The following GNAS-AS1 variants were observed in gnomAD, a reference collection of about 807,000 sequenced individuals.
GNAS-AS1 encodes GNAS antisense RNA 1.
intron 4 of GNAS-AS1, chr20:58,838,923 A>AAAG: frequency 2.5e-6 from 1 of 394,382 alleles, no homozygotes; most frequent in African/African-American, 2.1e-5. Context: ...TCTCAAAAAA[A>AAAG]AAAAAAAAAA....
intron 1 of GNAS-AS1, among the ~76,000 whole-genome samples, chr20:58,850,339 C>T (rs1341996085): frequency 1.3e-5 from 2 of 152,218 alleles, no homozygotes; most frequent in Non-Finnish European, 2.9e-5. Flanking sequence ...GCTCCCCTGG[C>T]AAAGCTCATG....
At chr20:58,827,834 A>G (rs2085530884) in intron 4 of GNAS-AS1, among the ~76,000 whole-genome samples, 1 of 152,244 alleles carries the variant, frequency 6.6e-6, no homozygotes. Context: ...GTGATGTATG[A>G]AAACTGTGGC....
At chr20:58,828,148 C>T (rs1034811075) in intron 4 of GNAS-AS1, among the ~76,000 whole-genome samples, 3 of 152,224 alleles carry the variant, frequency 2.0e-5, no homozygotes, top group African/African-American at 7.2e-5. Flanking sequence ...GTCCTACTGG[C>T]TTTAGCCTTG....
Position 58,841,576 on chromosome 20 carries a change from G to C in GNAS-AS1, n.819+361C>G. 2.0e-6 allele frequency: 2 copies of C among 1,005,948 alleles called. No individual in the cohort carries two copies. Among genetic ancestry groups the C allele is most frequent in the Non-Finnish European group, 2.4e-6 (2 of 844,030 alleles). The allele number at this position is 1,005,948 out of a possible 1,614,324, so 62.3% of individuals were successfully genotyped here. On this transcript the variant is annotated intron_variant and non_coding_transcript_variant, in intron 4 of 4. Coordinates refer to ENST00000424094, the Ensembl canonical transcript of GNAS-AS1. This position sits in a 1 kb window ranked among gnomAD's most constrained non-coding sequence, Gnocchi z 5.0. ...CGCCACAGCCCGCCTCCCGTCGCTC[G>C]CGGGACAGAGACCGCCTCAAAGAGC...
intron 3 of GNAS-AS1, chr20:58,842,364 G>A (rs1478840809): frequency 1.0e-5 from 4 of 398,070 alleles, no homozygotes; most frequent in Non-Finnish European, 1.8e-5. Flanking sequence ...AAAGCGTTTT[G>A]AGGGCTTGAG....
intron 4 of GNAS-AS1, chr20:58,838,929 A>C (rs1016725172): frequency 4.3e-5 from 17 of 396,984 alleles, no homozygotes; most frequent in African/African-American, 8.3e-5. Flanking sequence ...AAAAAAAAAA[A>C]AAAAAAAAAA....
intron 4 of GNAS-AS1, among the ~76,000 whole-genome samples, chr20:58,820,974 A>C (rs1344460920): frequency 6.6e-6 from 1 of 152,088 alleles, no homozygotes; most frequent in Admixed American, 6.6e-5. Context: ...CCAGCTACCC[A>C]ATGTGGGGCA....
chr20:58,831,477 C>G (rs1158239711), intron 4 of GNAS-AS1, among the ~76,000 whole-genome samples: 1 of 152,104 alleles, frequency 6.6e-6, no homozygotes, highest in Admixed American at 6.5e-5. Context: ...GAGATGGAGA[C>G]CATCCTGGCT....
In GNAS-AS1 at chr20:58,841,989, C is replaced by G; in HGVS notation, n.767G>C. Reference sequence around the variant, plus strand: ...GCAGAGCTGGGGAAAGGTGTTGGATCCGGCGCCAGTCCTTGGACGATCAGT... The same window carrying G: ...GCAGAGCTGGGGAAAGGTGTTGGATGCGGCGCCAGTCCTTGGACGATCAGT... On this transcript the variant is annotated non_coding_transcript_exon_variant, in exon 4 of 5. Coordinates refer to ENST00000424094, the Ensembl canonical transcript of GNAS-AS1. This position sits in a 1 kb window ranked among gnomAD's most constrained non-coding sequence, Gnocchi z 5.0. 1.0e-6 allele frequency: 1 copy of G among 957,938 alleles called. No individual in the cohort carries two copies. 59.3% of individuals were successfully genotyped at this position (957,938 alleles called of 1,614,324 possible).
chr20:58,839,467 G>A (rs1221885544), intron 4 of GNAS-AS1: 2 of 400,392 alleles, frequency 5.0e-6, no homozygotes, highest in Non-Finnish European at 8.8e-6. Flanking sequence ...GGAGGGGCAC[G>A]ACCCCACGGG....
intron 4 of GNAS-AS1, chr20:58,839,120 GT>G: frequency 2.5e-6 from 1 of 398,496 alleles, no homozygotes; most frequent in Non-Finnish European, 4.4e-6. Context: ...GCTCAGGGCA[GT>G]CCTCAGATGG....
In GNAS-AS1 at chr20:58,825,152, A is replaced by G. The variant is rs1022223300; in HGVS notation, n.820-5897T>C. On this transcript the variant is annotated intron_variant and non_coding_transcript_variant, in intron 4 of 4. Transcript: ENST00000424094. ...ATTAGACAACAAATGTCATGGGAAGAAAATGTGCCCCAAGTAATTTAGCCC... is the reference window on the plus strand; with the variant it reads ...ATTAGACAACAAATGTCATGGGAAGGAAATGTGCCCCAAGTAATTTAGCCC... 2.6e-5 allele frequency among the ~76,000 whole-genome samples: 4 copies of G among 152,260 alleles called. No homozygotes were observed. In the South Asian group the frequency reaches 8.3e-4, roughly 32 times the overall value.
chr20:58,822,793 C>T (rs1235207404), intron 4 of GNAS-AS1, among the ~76,000 whole-genome samples: 1 of 152,036 alleles, frequency 6.6e-6, no homozygotes, highest in African/African-American at 2.4e-5. Flanking sequence ...CGCCCCAAGG[C>T]CCCGGAGTGG....
intron 4 of GNAS-AS1, among the ~76,000 whole-genome samples, chr20:58,830,497 C>CACCACCACCACCACCACT (rs1600646185): frequency 4.7e-5 from 1 of 21,244 alleles, no homozygotes; most frequent in Non-Finnish European, 9.8e-5. Context: ...CCACCATCAC[C>CACCACCACCACCACCACT]ACCACACCAC....
intron 4 of GNAS-AS1, among the ~76,000 whole-genome samples, chr20:58,835,764 G>A (rs1369548075): frequency 6.6e-6 from 1 of 152,226 alleles, no homozygotes; most frequent in African/African-American, 2.4e-5. Context: ...CTTGATCATA[G>A]AAGTGGCTCA....
chr20:58,845,058 T>G (rs2085895908), intron 2 of GNAS-AS1, among the ~76,000 whole-genome samples: 1 of 152,014 alleles, frequency 6.6e-6, no homozygotes, highest in African/African-American at 2.4e-5. Context: ...GTTCCCCACC[T>G]TCTGTCCCTG....
intron 2 of GNAS-AS1, chr20:58,842,632 G>A (rs946399080): frequency 2.5e-6 from 1 of 397,208 alleles, no homozygotes; most frequent in African/African-American, 2.1e-5. Context: ...CTGCGGAAGG[G>A]CTAGGCGTGC....
intron 4 of GNAS-AS1, among the ~76,000 whole-genome samples, chr20:58,822,603 G>A (rs978342253): frequency 6.6e-6 from 1 of 152,222 alleles, no homozygotes; most frequent in Non-Finnish European, 1.5e-5. Flanking sequence ...GAGCAGGCCT[G>A]GAGAGCAGCT....
chr20:58,841,704 GA>G lies in GNAS-AS1; in HGVS notation n.819+232del, dbSNP rs929241016. ...TAGAGGAGGTAAGGGGACCCTTGGG[GA>G]TGCCCCTACGGGCTACCAGGGTTGA... On this transcript the variant is annotated intron_variant and non_coding_transcript_variant, in intron 4 of 4. Transcript: ENST00000424094. The surrounding 1 kb of genome is among the most constrained non-coding windows in gnomAD (Gnocchi z 5.0). The G allele has an allele frequency of 5.5e-5, 67 of 1,212,180 alleles. No individual in the cohort carries two copies. The highest frequency in any genetic ancestry group is 2.2e-4 in the Admixed American group (5 of 22,998). The allele number at this position is 1,212,180 out of a possible 1,614,324, so 75.1% of individuals were successfully genotyped here. A position where few individuals can be genotyped will look rare whatever the true frequency, so the allele number is the denominator to read the frequency against.
Sources: gnomAD v4.1 joint callset for allele counts (sites outside exome capture counted in the v4.1 genomes callset) on GRCh38, gnomAD v4.1.1 for gene constraint, Gnocchi (gnomAD v3.1) non-coding constraint, MANE v1.5 for transcripts, NCBI Gene and HGNC (gene_info 2026-07-23, HGNC 2026-07-21) for gene names.